GALNT13: variants seen among roughly 807,000 people sequenced by gnomAD.
GALNT13 encodes polypeptide N-acetylgalactosaminyltransferase 13, also known as UDP-GalNAc:polypeptide N-acetylgalactosaminyltransferase 13.
Under a neutral mutation model 64.2 loss-of-function variants are expected in GALNT13, and 28 were observed. That is an observed-to-expected ratio of 0.44 (90% CI 0.32 to 0.60). The LOEUF is 0.60. Ranked by LOEUF, GALNT13 falls within the 20% of genes least tolerant of loss-of-function variation. GALNT13 has a pLI of 0.05. For missense variants in GALNT13, 577 were observed against 669.8 expected (o/e 0.86, Z 1.53); for synonymous variants, 214 against 224.6 (o/e 0.95, Z 0.42).
chr2:153,313,065 A>T, the GALNT13 span, among the ~76,000 whole-genome samples: 3 of 152,168 alleles, frequency 2.0e-5, no homozygotes, highest in Non-Finnish European at 4.4e-5. Flanking sequence ...GGTTGCAGAG[A>T]AAAAGGGATG....
At chr2:153,949,596 C>CA (rs77144332) in intron 3 of GALNT13, among the ~76,000 whole-genome samples, 14,129 of 150,788 alleles carry the variant, frequency 0.094, 1,708 homozygotes, top group East Asian at 0.63. Flanking sequence ...TAGTAAAAAG[C>CA]AAAAAAATAC....
the GALNT13 span, among the ~76,000 whole-genome samples, chr2:153,211,396 G>A: frequency 7.2e-5 from 11 of 152,188 alleles, no homozygotes; most frequent in Non-Finnish European, 5.9e-5. Context: ...ACCCATCTTG[G>A]CTTCCCAAAG....
the GALNT13 span, among the ~76,000 whole-genome samples, chr2:153,494,673 A>C: frequency 6.6e-6 from 1 of 152,104 alleles, no homozygotes; most frequent in Non-Finnish European, 1.5e-5. Context: ...GAAATAGAAG[A>C]GAAACCTTTG....
At chr2:153,796,969 TTATTTC>T in the GALNT13 span, among the ~76,000 whole-genome samples, 1 of 152,202 alleles carries the variant, frequency 6.6e-6, no homozygotes, top group Non-Finnish European at 1.5e-5. Context: ...GTTACAGAGT[TTATTTC>T]TATCATTAAT....
chr2:154,032,708 T>C (rs1698414224), intron 3 of GALNT13, among the ~76,000 whole-genome samples: 1 of 151,944 alleles, frequency 6.6e-6, no homozygotes, highest in African/African-American at 2.4e-5. Context: ...CAACATCTAT[T>C]CCTGTTAAAC....
intron 3 of GALNT13, among the ~76,000 whole-genome samples, chr2:154,086,784 ACG>A (rs1488940909): frequency 1.3e-5 from 2 of 149,306 alleles, no homozygotes; most frequent in African/African-American, 2.5e-5. Context: ...ACACACACAC[ACG>A]CGCACGCGAT....
intron 2 of GALNT13, among the ~76,000 whole-genome samples, chr2:153,901,631 T>C (rs1688241067): frequency 2.0e-5 from 3 of 152,078 alleles, no homozygotes; most frequent in African/African-American, 7.2e-5. Flanking sequence ...TAGAGAAATA[T>C]ACCTCTGCCC....
intron 7 of GALNT13, among the ~76,000 whole-genome samples, chr2:154,252,875 G>C (rs955392716): frequency 3.3e-5 from 5 of 151,994 alleles, no homozygotes; most frequent in Non-Finnish European, 7.4e-5. Flanking sequence ...AACTAGTTAG[G>C]GGTCCTTGAA....
chr2:153,521,994 C>T, the GALNT13 span, among the ~76,000 whole-genome samples: 4 of 152,210 alleles, frequency 2.6e-5, no homozygotes, highest in East Asian at 7.7e-4. Context: ...AACTAAACTC[C>T]TATAAACATC....
chr2:154,108,938 C>T (rs1381746603), intron 3 of GALNT13, among the ~76,000 whole-genome samples: 1 of 152,012 alleles, frequency 6.6e-6, no homozygotes, highest in African/African-American at 2.4e-5. Context: ...ATTATCATAG[C>T]TCTGTGGTAT....
At chr2:153,407,629 T>C in the GALNT13 span, among the ~76,000 whole-genome samples, 8 of 152,206 alleles carry the variant, frequency 5.3e-5, no homozygotes, top group African/African-American at 1.9e-4. Context: ...GCTGCATCAC[T>C]GCTTGATTAG....
chr2:154,023,516 C>T (rs1033262445), intron 3 of GALNT13, among the ~76,000 whole-genome samples: 2 of 152,110 alleles, frequency 1.3e-5, no homozygotes, highest in Admixed American at 1.3e-4. Context: ...AGGATTGCAA[C>T]CCCTGCCTTT....
chr2:153,597,946 G>A, the GALNT13 span, among the ~76,000 whole-genome samples: 1 of 152,042 alleles, frequency 6.6e-6, no homozygotes, highest in Non-Finnish European at 1.5e-5. Context: ...CATTGGCAAG[G>A]CTGTGGAAAA....
At chr2:154,192,453 C>T (rs1289330478) in intron 4 of GALNT13, among the ~76,000 whole-genome samples, 1 of 152,182 alleles carries the variant, frequency 6.6e-6, no homozygotes, top group Non-Finnish European at 1.5e-5. Context: ...GTATCACCTA[C>T]ATGGACCATG....
At chr2:153,586,712 C>T in the GALNT13 span, among the ~76,000 whole-genome samples, 1 of 151,920 alleles carries the variant, frequency 6.6e-6, no homozygotes, top group Non-Finnish European at 1.5e-5. Flanking sequence ...ACTTTCTACC[C>T]AACAACTACA....
chr2:153,948,239 A>T (rs1398292134), intron 3 of GALNT13, among the ~76,000 whole-genome samples: 1 of 60,120 alleles, frequency 1.7e-5, no homozygotes, highest in Admixed American at 1.1e-4. Context: ...ATTTAATGGG[A>T]CTAAAAAAAA....
At position 154,032,157 on chromosome 2, in the gene GALNT13, CAA is replaced by C. The variant is rs149797145; in HGVS notation, c.142+87519_142+87520del. Among the ~76,000 whole-genome samples, 389 of 151,550 alleles carry C rather than the reference CAA, an allele frequency of 2.6e-3. 4 individuals are homozygous for C. The highest frequency in any genetic ancestry group is 8.5e-3 in the African/African-American group (353 of 41,368). On this transcript the variant is annotated intron_variant, in intron 3 of 12. Transcript: ENST00000392825. ...TCAAATAAATTGGAAACAGACTAAT[CAA>C]GAGAATGAATGAAATTAAAAGCTGG...
the GALNT13 span, among the ~76,000 whole-genome samples, chr2:153,651,980 C>G: frequency 1.3e-5 from 2 of 152,072 alleles, no homozygotes; most frequent in Non-Finnish European, 2.9e-5. Context: ...GTAAGCTTCC[C>G]GGGTACTATC....
the GALNT13 span, among the ~76,000 whole-genome samples, chr2:153,424,753 T>C: frequency 6.6e-6 from 1 of 151,836 alleles, no homozygotes; most frequent in African/African-American, 2.4e-5. Flanking sequence ...TCCAGAAGTC[T>C]TTCATAAACT....
Sources: allele counts gnomAD v4.1 joint callset (sites outside exome capture counted in the v4.1 genomes callset), GRCh38; gene constraint gnomAD v4.1.1; transcripts MANE v1.5; gene names NCBI Gene and HGNC (gene_info 2026-07-23, HGNC 2026-07-21).